MAGI2: variants seen among roughly 807,000 people sequenced by gnomAD.
The protein encoded by MAGI2 is membrane-associated guanylate kinase, WW and PDZ domain-containing protein 2.
In MAGI2, 35 loss-of-function variants were observed where a neutral mutation model predicts 133.3. That is an observed-to-expected ratio of 0.26 (90% CI 0.20 to 0.35). The LOEUF is 0.35. MAGI2 is among the 10% of genes least tolerant of loss of function. The pLI, the probability that MAGI2 is intolerant of heterozygous loss-of-function variation, is 1.00. For missense variants in MAGI2, 1,636 were observed against 1,863.4 expected (o/e 0.88, Z 2.25); for synonymous variants, 729 against 710.6 (o/e 1.03, Z -0.41).
intron 1 of MAGI2, among the ~76,000 whole-genome samples, chr7:79,161,133 A>T (rs1824311036): frequency 6.6e-6 from 1 of 152,054 alleles, no homozygotes; most frequent in South Asian, 2.1e-4. Flanking sequence ...TACATAAGGT[A>T]GTTGTAACCC....
chr7:78,535,887 C>A (rs967791751), intron 3 of MAGI2, among the ~76,000 whole-genome samples: 2 of 148,426 alleles, frequency 1.3e-5, no homozygotes, highest in South Asian at 2.2e-4. Context: ...CCCCGCCCAC[C>A]GCCTCCCCCC....
At chr7:79,175,559 T>G (rs1280412968) in intron 1 of MAGI2, among the ~76,000 whole-genome samples, 1 of 152,006 alleles carries the variant, frequency 6.6e-6, no homozygotes, top group Non-Finnish European at 1.5e-5. Flanking sequence ...TCATGTGTCA[T>G]TTAATGACAA....
chr7:78,914,862 C>G (rs1280003182), intron 2 of MAGI2, among the ~76,000 whole-genome samples: 1 of 151,902 alleles, frequency 6.6e-6, no homozygotes, highest in African/African-American at 2.4e-5. Flanking sequence ...TTGACAATGT[C>G]AAAGAGACGG....
At chr7:78,639,126 T>C (rs990573619) in intron 2 of MAGI2, among the ~76,000 whole-genome samples, 1 of 152,210 alleles carries the variant, frequency 6.6e-6, no homozygotes, top group African/African-American at 2.4e-5. Context: ...ATTTTATCAC[T>C]GTTAGAATCT....
intron 14 of MAGI2, among the ~76,000 whole-genome samples, chr7:78,174,246 G>A (rs1483715836): frequency 6.6e-6 from 1 of 152,146 alleles, no homozygotes; most frequent in Admixed American, 6.5e-5. Context: ...CCTTGCCTTC[G>A]AGGAGCTCAG....
chr7:78,749,255 A>T, intron 2 of MAGI2, among the ~76,000 whole-genome samples: 1 of 152,102 alleles, frequency 6.6e-6, no homozygotes, highest in East Asian at 1.9e-4. Context: ...GAGTTCAGGG[A>T]AGGGAAATCT....
intron 2 of MAGI2, among the ~76,000 whole-genome samples, chr7:78,814,255 C>G (rs572055944): frequency 6.6e-6 from 1 of 152,140 alleles, no homozygotes; most frequent in Non-Finnish European, 1.5e-5. Context: ...GGTGCTGTCA[C>G]TATGACTTGT....
At chr7:78,841,778 T>C (rs1226601325) in intron 2 of MAGI2, among the ~76,000 whole-genome samples, 1 of 152,038 alleles carries the variant, frequency 6.6e-6, no homozygotes, top group African/African-American at 2.4e-5. Context: ...TCCTGTTGTG[T>C]GGAAGATGCT....
chr7:78,999,052 T>C (rs1030935960), intron 2 of MAGI2, among the ~76,000 whole-genome samples: 1 of 152,152 alleles, frequency 6.6e-6, no homozygotes, highest in Non-Finnish European at 1.5e-5. Context: ...CATTTATTCC[T>C]TGGGCAGCTT....
intron 1 of MAGI2, among the ~76,000 whole-genome samples, chr7:79,316,427 A>G (rs1444418683): frequency 1.3e-5 from 2 of 152,218 alleles, no homozygotes; most frequent in Non-Finnish European, 2.9e-5. Flanking sequence ...ACTGAAAAAT[A>G]TATGCTATTT....
chr7:78,522,631 C>T (rs62468576), intron 3 of MAGI2, among the ~76,000 whole-genome samples: 11,672 of 152,234 alleles, frequency 0.077, 571 homozygotes, highest in Non-Finnish European at 0.11. Flanking sequence ...CCGCCTGCCT[C>T]GGCCCCCCAA....
At chr7:78,830,388 T>C (rs1299463964) in intron 2 of MAGI2, among the ~76,000 whole-genome samples, 2 of 152,148 alleles carry the variant, frequency 1.3e-5, no homozygotes, top group Non-Finnish European at 2.9e-5. Flanking sequence ...GAAGTGGTAA[T>C]TGCCAGTCAT....
Position 79,038,648 on chromosome 7 carries a change from A to G in MAGI2, c.302-31442T>C, listed in dbSNP as rs143478651. The stretch of plus-strand genomic sequence containing the variant: ...TTCATCAAGAATCATATATAGAGAT[A>G]TTTTTCATTTCTTTTTACAGCTATA... On this transcript the variant is annotated intron_variant, in intron 1 of 21. Transcript: ENST00000354212. Among the ~76,000 whole-genome samples, 277 of 152,248 alleles carry G rather than the reference A, an allele frequency of 1.8e-3. 1 individual carries two copies. The highest frequency in any genetic ancestry group is 6.8e-3 in the Middle Eastern group (2 of 294).
intron 12 of MAGI2, among the ~76,000 whole-genome samples, chr7:78,187,465 T>C (rs1056198614): frequency 1.1e-4 from 16 of 152,142 alleles, no homozygotes; most frequent in African/African-American, 3.4e-4. Context: ...TTTTATAAGA[T>C]AGTTGTACCA....
intron 1 of MAGI2, among the ~76,000 whole-genome samples, chr7:79,432,976 G>A (rs1306724952): frequency 1.3e-5 from 2 of 152,180 alleles, no homozygotes; most frequent in African/African-American, 4.8e-5. Context: ...GACAGAAGAA[G>A]GTGAGGTTGG....
At chr7:78,808,089 C>T (rs1788736084) in intron 2 of MAGI2, among the ~76,000 whole-genome samples, 1 of 151,996 alleles carries the variant, frequency 6.6e-6, no homozygotes, top group Non-Finnish European at 1.5e-5. Context: ...AAAACACCCA[C>T]AAAATAATAG....
intron 1 of MAGI2, among the ~76,000 whole-genome samples, chr7:79,153,623 G>T (rs1466888430): frequency 6.6e-6 from 1 of 152,200 alleles, no homozygotes; most frequent in African/African-American, 2.4e-5. Flanking sequence ...GACTAGGAAG[G>T]CATTGAAGTG....
chr7:78,250,233 C>T (rs986672081), intron 10 of MAGI2, among the ~76,000 whole-genome samples: 25 of 151,866 alleles, frequency 1.6e-4, no homozygotes, highest in African/African-American at 5.8e-4. Context: ...TATTAGAAAT[C>T]AACAATAGAA....
At chr7:78,978,677 G>T (rs10253449) in intron 2 of MAGI2, among the ~76,000 whole-genome samples, 6,844 of 151,848 alleles carry the variant, frequency 0.045, 467 homozygotes, top group African/African-American at 0.15. Flanking sequence ...AGGATCATAG[G>T]ACTATATGCA....
Sources: allele counts gnomAD v4.1 joint callset (sites outside exome capture counted in the v4.1 genomes callset), GRCh38; gene constraint gnomAD v4.1.1; transcripts MANE v1.5; gene names NCBI Gene and HGNC (gene_info 2026-07-23, HGNC 2026-07-21).